The following PC variants were observed in gnomAD, a reference collection of about 807,000 sequenced individuals.
The protein encoded by PC is pyruvate carboxylase.
Under a neutral mutation model 107.8 loss-of-function variants are expected in PC, and 46 were observed. The observed-to-expected ratio is 0.43, with a 90% confidence interval of 0.34 to 0.55. The LOEUF (loss-of-function observed/expected upper bound fraction) is 0.55, where lower values mean the gene tolerates loss of function less well. PC is among the 20% of genes least tolerant of loss of function. The pLI is 0.04. For missense variants in PC, 1,241 were observed against 1,643.1 expected (o/e 0.76, Z 4.23); for synonymous variants, 662 against 684.7 (o/e 0.97, Z 0.52).
chr11:66,860,166 G>A (rs1032550699), intron 12 of PC: 19 of 1,547,642 alleles, frequency 1.2e-5, no homozygotes, highest in African/African-American at 5.5e-5. Context: ...AGGAGGCAGC[G>A]CCGAGCGGCT....
rs149054698 is a variant in PC, at chr11:66,848,963, C to T, written c.3473G>A (p.Arg1158His). 347 of 1,613,930 alleles carry T rather than the reference C, an allele frequency of 2.2e-4. No homozygotes were observed. Among genetic ancestry groups the T allele is most frequent in the Non-Finnish European group, 2.8e-4 (327 of 1,180,016 alleles). Residue 1158 changes from arginine (R) to histidine (H), a missense_variant, in exon 23 of 23, where the codon CGC becomes CAC. This residue lies in a region of PC where 98 missense variants were observed against 91.2 expected (regional missense o/e 1.07). Transcript: ENST00000393960. Reference protein sequence around the residue: ...VVTSPMEGTVRKVHVTKDMTL... With the variant: ...VVTSPMEGTVHKVHVTKDMTL... ...CATGTCCTTGGTCACATGAACCTTG[C>T]GGACAGTACCCTCCATGGGTGAGGT...
Position 66,908,663 on chromosome 11 carries a change from C to A in PC, c.1-36504G>T, listed in dbSNP as rs1270526849. ...GATCTTTTGCTTGGCCTCCCGAACCCGAGGCTAATTGGTCGGAGGTCTTGC... is the reference window on the plus strand; with the variant it reads ...GATCTTTTGCTTGGCCTCCCGAACCAGAGGCTAATTGGTCGGAGGTCTTGC... On this transcript the variant is annotated intron_variant, in intron 3 of 22. Coordinates refer to ENST00000393960, the MANE Select transcript of PC (RefSeq NM_001040716.2). Among the ~76,000 whole-genome samples the A allele has an allele frequency of 3.3e-5, 5 of 152,198 alleles. No homozygotes were observed. In the East Asian group the frequency reaches 9.7e-4, roughly 29 times the overall value.
rs924493250 is a variant in PC at position 66,857,244 on chromosome 11, C to G, written c.1369-3861G>C. 1 of 148,336 alleles carries G rather than the reference C, an allele frequency of 6.7e-6. No individual in the cohort carries two copies. The highest frequency in any genetic ancestry group is 1.5e-5 in the Non-Finnish European group (1 of 66,306). The allele number at this position is 148,336 out of a possible 1,614,324, so 9.2% of individuals were successfully genotyped here. A position where few individuals can be genotyped will look rare whatever the true frequency, so the allele number is the denominator to read the frequency against. ...GAGAGCGGCCAGGAGTCGGCGGGGG[C>G]CGGCCGGGCTCGCAGGGAGGCCGGC... On this transcript the variant is annotated intron_variant, in intron 12 of 22. Transcript: ENST00000393960. This position sits in a 1 kb window ranked among gnomAD's most constrained non-coding sequence, Gnocchi z 7.1.
At position 66,858,721 on chromosome 11, in the gene PC, C is replaced by T. The variant is rs1335675640; in HGVS notation, c.1368+5053G>A. On this transcript the variant is annotated intron_variant, in intron 12 of 22. Coordinates refer to ENST00000393960, the MANE Select transcript of PC (RefSeq NM_001040716.2). The surrounding 1 kb of genome is among the most constrained non-coding windows in gnomAD (Gnocchi z 5.9). ...GACGACCGGTTGGTTGGCAACTCCT[C>T]CCGAGCCCGGGCTTTCCCCAACGGG... 5.2e-6 allele frequency: 8 copies of T among 1,552,614 alleles called. No homozygotes were observed. Among genetic ancestry groups the T allele is most frequent in the African/African-American group, 2.7e-5 (2 of 73,458 alleles).
At chr11:66,943,755 C>CAAAAAAA (rs34245785) in intron 3 of PC, among the ~76,000 whole-genome samples, 9 of 17,582 alleles carry the variant, frequency 5.1e-4, no homozygotes, top group African/African-American at 6.7e-4. Context: ...GACTCCGGCT[C>CAAAAAAA]AAAAAAAAAA....
At position 66,851,896 on chromosome 11, in the gene PC, G is replaced by A. The variant is rs1591122325; in HGVS notation, c.1876C>T (p.Arg626Trp). The A allele has an allele frequency of 1.9e-6, 3 of 1,614,036 alleles. No individual in the cohort carries two copies. Among genetic ancestry groups the A allele is most frequent in the Non-Finnish European group, 2.5e-6 (3 of 1,179,986 alleles). The change falls in exon 16 of 23, where the codon CGG becomes TGG. Residue 626 changes from arginine (R) to tryptophan (W), a missense_variant. Arg to Trp is a moderately radical substitution (Grantham distance 101). This residue lies in a region of PC where 1,143 missense variants were observed against 1,551.9 expected (regional missense o/e 0.74). Coordinates refer to ENST00000393960, the MANE Select transcript of PC (RefSeq NM_001040716.2). ...MRFLYECPWRRLQELRELIPN... is the reference protein window; with the variant it reads ...MRFLYECPWRWLQELRELIPN... Reference sequence around the variant, plus strand: ...ATGAGCTCCCGGAGCTCCTGCAGCCGCCGCCAGGGGCACTCATACAGGAAG... The same window carrying A: ...ATGAGCTCCCGGAGCTCCTGCAGCCACCGCCAGGGGCACTCATACAGGAAG...
intron 3 of PC, among the ~76,000 whole-genome samples, chr11:66,883,350 G>A (rs920787807): frequency 2.6e-5 from 4 of 152,316 alleles, no homozygotes; most frequent in African/African-American, 7.2e-5. Context: ...CCTGGCGCAC[G>A]AGGAGCCAGC....
chr11:66,956,303 G>A (rs573867278), intron 1 of PC, among the ~76,000 whole-genome samples: 32 of 152,058 alleles, frequency 2.1e-4, no homozygotes, highest in Admixed American at 2.0e-3. Flanking sequence ...CTCTGTAACT[G>A]GCCAGGCATG....
chr11:66,943,812 G>GTC (rs1949215444), intron 3 of PC, among the ~76,000 whole-genome samples: 1 of 116,926 alleles, frequency 8.6e-6, no homozygotes, highest in Non-Finnish European at 1.8e-5. Context: ...GTGAAACCCC[G>GTC]TTTCTACTAA....
chr11:66,896,286 C>T (rs1947756539), intron 3 of PC, among the ~76,000 whole-genome samples: 1 of 152,138 alleles, frequency 6.6e-6, no homozygotes, highest in African/African-American at 2.4e-5. Context: ...ACCATGTTGG[C>T]CAAGATGGTC....
intron 3 of PC, among the ~76,000 whole-genome samples, chr11:66,920,612 ATTTC>A (rs1479730142): frequency 6.6e-6 from 1 of 152,022 alleles, no homozygotes; most frequent in African/African-American, 2.4e-5. Flanking sequence ...TCGTAGAGCC[ATTTC>A]TTTGTCTTCG....
At position 66,909,022 on chromosome 11, in the gene PC, G is replaced by C. The variant is rs566781351; in HGVS notation, c.1-36863C>G. On this transcript the variant is annotated intron_variant, in intron 3 of 22. Transcript: ENST00000393960. ...AGCTCAGAATGAGACTCAAACCAGG[G>C]GCCCTATCTGGGAATAAAGAGTAGA... 2.6e-5 allele frequency among the ~76,000 whole-genome samples: 4 copies of C among 152,320 alleles called. No individual in the cohort carries two copies. The East Asian group carries it at 7.7e-4, about 29-fold the overall frequency.
intron 3 of PC, among the ~76,000 whole-genome samples, chr11:66,909,085 G>A (rs1377280738): frequency 6.6e-6 from 1 of 152,222 alleles, no homozygotes; most frequent in African/African-American, 2.4e-5. Flanking sequence ...ATGGCAGAAA[G>A]TCCCTGTTCC....
At chr11:66,949,714 TG>T (rs1565307232) in intron 3 of PC, among the ~76,000 whole-genome samples, 1 of 152,148 alleles carries the variant, frequency 6.6e-6, no homozygotes, top group East Asian at 1.9e-4. Context: ...ACTGTTAAAA[TG>T]TCCTAGAATC....
At chr11:66,953,427 T>C (rs548837574) in intron 2 of PC, among the ~76,000 whole-genome samples, 4 of 152,246 alleles carry the variant, frequency 2.6e-5, no homozygotes, top group African/African-American at 7.2e-5. Context: ...CTGCCATAAG[T>C]AAGAGCCCAC....
intron 3 of PC, among the ~76,000 whole-genome samples, chr11:66,927,985 A>G (rs1393150121): frequency 6.6e-6 from 1 of 152,120 alleles, no homozygotes; most frequent in East Asian, 1.9e-4. Flanking sequence ...AACACTATAC[A>G]TCTGCTTGTT....
rs753387559 is a variant in PC, at chr11:66,870,785, C to T, written c.741G>A (p.Val247=). The T allele has an allele frequency of 1.1e-5, 18 of 1,612,594 alleles. No individual in the cohort carries two copies. Among genetic ancestry groups the T allele is most frequent in the Non-Finnish European group, 1.4e-5 (16 of 1,179,914 alleles). The change falls in exon 8 of 23, where the codon GTG becomes GTA. Residue 247 remains valine, a synonymous_variant. Transcript: ENST00000393960. The surrounding 1 kb of genome is among the most constrained non-coding windows in gnomAD (Gnocchi z 6.1). The part of the protein sequence containing the change: ...KFIEKPRHIE[V]QILGDQYGNI... ...GTCAGGACCACTCACCCAAGATCTG[C>T]ACCTCGATGTGCCGTGGCTTCTCGA...
chr11:66,932,976 G>A (rs1199024539), intron 3 of PC, among the ~76,000 whole-genome samples: 7 of 152,100 alleles, frequency 4.6e-5, no homozygotes, highest in South Asian at 2.1e-4. Context: ...AGAATCCTTC[G>A]TCTAAAATAC....
chr11:66,895,742 A>T (rs1947736064), intron 3 of PC, among the ~76,000 whole-genome samples: 1 of 152,192 alleles, frequency 6.6e-6, no homozygotes, highest in Non-Finnish European at 1.5e-5. Context: ...AGTCCAAGAG[A>T]TCCAAAAACT....
Sources: gnomAD v4.1 joint callset for allele counts (sites outside exome capture counted in the v4.1 genomes callset) on GRCh38, gnomAD v4.1.1 for gene constraint, gnomAD v4.1.1 regional missense constraint, Gnocchi (gnomAD v3.1) non-coding constraint, MANE v1.5 for transcripts, NCBI Gene and HGNC (gene_info 2026-07-23, HGNC 2026-07-21) for gene names.